KLK11: variants seen among roughly 807,000 people sequenced by gnomAD.
KLK11 encodes the protein kallikrein-11.
Under a neutral mutation model 23.4 loss-of-function variants are expected in KLK11, and 10 were observed. The observed-to-expected ratio is 0.43, with a 90% CI of 0.26 to 0.73. KLK11 has a LOEUF of 0.73. KLK11 is among the 30% of genes least tolerant of loss of function. The pLI, the probability that KLK11 is intolerant of heterozygous loss-of-function variation, is 0.22. For synonymous variants in KLK11, 131 were observed against 131.7 expected (o/e 0.99, Z 0.03); for missense variants, 285 against 327.8 (o/e 0.87, Z 1.01).
chr19:51,025,336 G>A lies in KLK11; in HGVS notation c.40+256C>T, dbSNP rs2091465616. Among the ~76,000 whole-genome samples the A allele has an allele frequency of 6.6e-6, 1 of 151,666 alleles. No individual in the cohort carries two copies. Among genetic ancestry groups the A allele is most frequent in the South Asian group, 2.1e-4 (1 of 4,820 alleles). ...GTAGCCCCTGTCCTGGGCGCTTTGA[G>A]TGACTGCTCCCCCAACTCCAGCTTC... On this transcript the variant is annotated intron_variant, in intron 2 of 5. Coordinates refer to ENST00000453757, the MANE Select transcript of KLK11 (RefSeq NM_001136032.3). The surrounding 1 kb of genome is among the most constrained non-coding windows in gnomAD (Gnocchi z 6.2).
rs191299531 is a variant in KLK11 at position 51,022,735 on chromosome 19, G to A, written c.601-38C>T. Reference sequence around the variant, plus strand: ...AGAGAGAATGTCGGTCAGAGAAAGCGTTGAGCATGGTGTTAGCCAGGGAGG... The same window carrying A: ...AGAGAGAATGTCGGTCAGAGAAAGCATTGAGCATGGTGTTAGCCAGGGAGG... On this transcript the variant is annotated intron_variant, in intron 5 of 5. Coordinates refer to ENST00000453757, the MANE Select transcript of KLK11 (RefSeq NM_001136032.3). 6.1e-4 allele frequency: 984 copies of A among 1,611,032 alleles called. 1 individual carries two copies. The highest frequency in any genetic ancestry group is 7.7e-4 in the Non-Finnish European group (903 of 1,179,060).
rs2091465127 is a variant in KLK11 at position 51,025,320 on chromosome 19, G to A, written c.40+272C>T. Among the ~76,000 whole-genome samples, 2 of 150,914 alleles carry A rather than the reference G, an allele frequency of 1.3e-5. No individual in the cohort carries two copies. Among genetic ancestry groups the A allele is most frequent in the South Asian group, 2.1e-4 (1 of 4,802 alleles). ...CCATACTGGTTGGTCAGTAGCCCCT[G>A]TCCTGGGCGCTTTGAGTGACTGCTC... On this transcript the variant is annotated intron_variant, in intron 2 of 5. Coordinates refer to ENST00000453757, the MANE Select transcript of KLK11 (RefSeq NM_001136032.3). The surrounding 1 kb of genome is among the most constrained non-coding windows in gnomAD (Gnocchi z 6.2).
At position 51,023,902 on chromosome 19, in the gene KLK11, C is replaced by T. The variant is rs60627720; in HGVS notation, c.463+143G>A. On this transcript the variant is annotated intron_variant, in intron 4 of 5. Coordinates refer to ENST00000453757, the MANE Select transcript of KLK11 (RefSeq NM_001136032.3). ...AGGCCCCAACTTTTGTCCCCACCCC[C>T]CTATCCTGACGTTTTCCACACATCC... 1.4e-4 allele frequency: 101 copies of T among 734,994 alleles called. No individual in the cohort carries two copies. The East Asian group carries it at 2.9e-3, about 21-fold the overall frequency. The allele number at this position is 734,994 out of a possible 1,614,324, so 45.5% of individuals were successfully genotyped here. A position where few individuals can be genotyped will look rare whatever the true frequency, so the allele number is the denominator to read the frequency against.
Position 51,025,717 on chromosome 19 carries a change from A to C in KLK11, c.-35-51T>G. 18 of 606,414 alleles carry C rather than the reference A, an allele frequency of 3.0e-5. No individual in the cohort carries two copies. Among genetic ancestry groups the C allele is most frequent in the Non-Finnish European group, 4.9e-5 (17 of 349,320 alleles). 37.6% of individuals were successfully genotyped at this position (606,414 alleles called of 1,614,324 possible). A position where few individuals can be genotyped will look rare whatever the true frequency, so the allele number is the denominator to read the frequency against. On this transcript the variant is annotated intron_variant, in intron 1 of 5. Transcript: ENST00000453757. This position sits in a 1 kb window ranked among gnomAD's most constrained non-coding sequence, Gnocchi z 6.2. ...CGCATCACTTTACGGGGAAATCGGGAGGGGGGGGCTGGCTCATGCCCTCTC... is the reference window on the plus strand; with the variant it reads ...CGCATCACTTTACGGGGAAATCGGGCGGGGGGGGCTGGCTCATGCCCTCTC...
In KLK11 at chr19:51,024,228, G is replaced by A; in HGVS notation, c.280C>T (p.Pro94Ser). The A allele has an allele frequency of 6.2e-7, 1 of 1,614,096 alleles. No individual in the cohort carries two copies. The highest frequency in any genetic ancestry group is 8.5e-7 in the Non-Finnish European group (1 of 1,180,000). ...AGGCTGTTGTTGAAGCCGGGGTGGG[G>A]GAAGGACTCAGTGGCTGTCCGGGTC... is the stretch of plus-strand genomic sequence containing the variant. ...EQTRTATESF[P>S]HPGFNNSLPN... The change falls in exon 4 of 6, where the codon CCC becomes TCC. Residue 94 changes from proline (P) to serine (S), a missense_variant. Pro to Ser is a moderately conservative substitution (Grantham distance 74). Transcript: ENST00000453757. This position sits in a 1 kb window ranked among gnomAD's most constrained non-coding sequence, Gnocchi z 6.2.
In KLK11 at chr19:51,025,675, A is replaced by G; in HGVS notation, c.-35-9T>C. ...GCGGGCCCCAGGTTCCTCTGGGAAC[A>G]AGGAGGGACATGGGGCCGCATCACT... is the stretch of plus-strand genomic sequence containing the variant. On this transcript the variant is annotated splice_polypyrimidine_tract_variant and intron_variant, in intron 1 of 5. Coordinates refer to ENST00000453757, the MANE Select transcript of KLK11 (RefSeq NM_001136032.3). The surrounding 1 kb of genome is among the most constrained non-coding windows in gnomAD (Gnocchi z 6.2). 1 of 1,513,312 alleles carries G rather than the reference A, an allele frequency of 6.6e-7. No homozygotes were observed. The highest frequency in any genetic ancestry group is 9.0e-7 in the Non-Finnish European group (1 of 1,116,024). The allele number at this position is 1,513,312 out of a possible 1,614,324, so 93.7% of individuals were successfully genotyped here.
At position 51,022,487 on chromosome 19, in the gene KLK11, C is replaced by T; in HGVS notation, c.*58G>A. On this transcript the variant is annotated 3_prime_UTR_variant, in exon 6 of 6. Transcript: ENST00000453757. Reference sequence around the variant, plus strand: ...TAGGGTTTCTTATTAACAGAGTGAACAGGAACCAAACACCAAGTGGAAATG... The same window carrying T: ...TAGGGTTTCTTATTAACAGAGTGAATAGGAACCAAACACCAAGTGGAAATG... 1.9e-6 allele frequency: 3 copies of T among 1,604,912 alleles called. No individual in the cohort carries two copies. Among genetic ancestry groups the T allele is most frequent in the South Asian group, 1.1e-5 (1 of 90,760 alleles).
intron 5 of KLK11, 83 bp downstream of exon 5, chr19:51,023,009 T>A (rs1200321133): frequency 6.9e-7 from 1 of 1,457,136 alleles, no homozygotes; most frequent in South Asian, 1.3e-5. Context: ...CGGGTTGAGG[T>A]TGGGGATGAA....
upstream of KLK11, chr19:51,027,842 C>A (rs2091507822): frequency 6.2e-6 from 2 of 321,532 alleles, no homozygotes; most frequent in African/African-American, 2.2e-5. Context: ...GAGCAGACTG[C>A]GGGGGGGCTC....
In KLK11 at chr19:51,026,583, G is replaced by A. The variant is rs755451892; in HGVS notation, c.-81C>T. 505 of 986,674 alleles carry A rather than the reference G, an allele frequency of 5.1e-4. No individual in the cohort carries two copies. The highest frequency in any genetic ancestry group is 1.6e-3 in the Middle Eastern group (3 of 1,916). The allele number at this position is 986,674 out of a possible 1,614,324, so 61.1% of individuals were successfully genotyped here. ...TGGGGGCCCAGTGGCGGCGGAGACG[G>A]CAGTGGCGGCAGCTACAGCAGGTAG... On this transcript the variant is annotated 5_prime_UTR_variant, in exon 1 of 6. Coordinates refer to ENST00000453757, the MANE Select transcript of KLK11 (RefSeq NM_001136032.3).
intron 5 of KLK11, 150 bp from the exon 6 acceptor site, chr19:51,022,847 A>C: frequency 4.1e-6 from 4 of 984,688 alleles, no homozygotes; most frequent in Non-Finnish European, 6.1e-6. Context: ...AGCTGGGATT[A>C]TGGGTGGGAT....
intron 1 of KLK11, 49 bp downstream of exon 1, chr19:51,026,489 G>T: frequency 2.4e-6 from 2 of 845,884 alleles, no homozygotes; most frequent in Non-Finnish European, 2.8e-6. Context: ...CTTGGGGAGG[G>T]CTGACACCTG....
intron 1 of KLK11, among the ~76,000 whole-genome samples, chr19:51,026,222 A>T (rs1600157138): frequency 6.6e-6 from 1 of 151,776 alleles, no homozygotes; most frequent in South Asian, 2.1e-4. Flanking sequence ...TGTCCGCCAA[A>T]CCCCTGCCCT....
chr19:51,026,269 T>A (rs528174602), intron 1 of KLK11, among the ~76,000 whole-genome samples: 3 of 151,618 alleles, frequency 2.0e-5, no homozygotes, highest in African/African-American at 7.3e-5. Flanking sequence ...GCGGGGCTGG[T>A]CGAGGGGAGG....
At chr19:51,027,841 G>A, upstream of KLK11, 1 of 324,562 alleles carries the variant, frequency 3.1e-6, no homozygotes, top group Admixed American at 4.8e-5. Flanking sequence ...AGAGCAGACT[G>A]CGGGGGGGCT....
chr19:51,024,315 G>T lies in KLK11; in HGVS notation c.198-5C>A. 6.2e-7 allele frequency: 1 copy of T among 1,612,892 alleles called. No individual in the cohort carries two copies. Among genetic ancestry groups the T allele is most frequent in the Non-Finnish European group, 8.5e-7 (1 of 1,179,560 alleles). ...CCCAGGTGAACTATGTAGCGGCTGA[G>T]GTGGGAGAGACAGTAGTTGGAGGAG... On this transcript the variant is annotated splice_polypyrimidine_tract_variant and splice_region_variant and intron_variant, in intron 3 of 5. Transcript: ENST00000453757. The surrounding 1 kb of genome is among the most constrained non-coding windows in gnomAD (Gnocchi z 6.2).
chr19:51,023,785 A>C (rs2091436383), intron 4 of KLK11: 2 of 398,828 alleles, frequency 5.0e-6, no homozygotes, highest in Non-Finnish European at 8.8e-6. Context: ...AGAGAAGAAA[A>C]TCAAGATTCA....
At chr19:51,022,994 G>A (rs2091423494) in intron 5 of KLK11, 98 bp downstream of exon 5, 4 of 1,349,366 alleles carry the variant, frequency 3.0e-6, no homozygotes, top group Non-Finnish European at 1.0e-6. Context: ...AGTTGCAGGG[G>A]TCGGCGGGTT....
intron 4 of KLK11, 110 bp from the exon 5 acceptor site, chr19:51,023,338 A>T: frequency 7.4e-7 from 1 of 1,348,050 alleles, no homozygotes; most frequent in Non-Finnish European, 1.0e-6. Flanking sequence ...AGACGCAGCC[A>T]ACTCACCTCT....
Sources: gnomAD v4.1 joint callset for allele counts (sites outside exome capture counted in the v4.1 genomes callset) on GRCh38, gnomAD v4.1.1 for gene constraint, Gnocchi (gnomAD v3.1) non-coding constraint, MANE v1.5 for transcripts, NCBI Gene and HGNC (gene_info 2026-07-23, HGNC 2026-07-21) for gene names.